Variants in FRMPD4 observed in about 807,000 individuals in gnomAD.
FRMPD4 encodes the protein FERM and PDZ domain-containing protein 4.
FRMPD4 carries 22 observed loss-of-function variants against 94.1 expected under a neutral mutation model. That is an observed-to-expected ratio of 0.23 (90% CI 0.17 to 0.33). The LOEUF (loss-of-function observed/expected upper bound fraction) is 0.33, where lower values mean the gene tolerates loss of function less well. Among genes scored for constraint, FRMPD4 ranks in the 10% least tolerant of loss-of-function variants. The probability of loss-of-function intolerance (pLI) is 1.00; values close to 1 mark genes in which losing one functional copy is unlikely to be tolerated. For synonymous variants in FRMPD4, 631 were observed against 548.6 expected, an observed-to-expected ratio of 1.15 and a Z score of -2.10; for missense variants, 1,111 against 1,339.9, an observed-to-expected ratio of 0.83 and a Z score of 2.67.
At chrX:11,877,371 T>C (rs1051735275) in intron 2 of FRMPD4, among the ~76,000 whole-genome samples, 6 of 111,848 alleles carry the variant, frequency 5.4e-5, no homozygotes, top group African/African-American at 1.9e-4. Context: ...TATCCCATCG[T>C]GAGTTCTCAG....
chrX:12,179,388 A>G (rs910029509), intron 1 of FRMPD4, among the ~76,000 whole-genome samples: 3 of 111,504 alleles, frequency 2.7e-5, no homozygotes, highest in African/African-American at 9.8e-5. Flanking sequence ...GTCTTCATAC[A>G]CAGAATGGGA....
At chrX:11,865,950 C>G (rs937827316) in intron 2 of FRMPD4, among the ~76,000 whole-genome samples, 1 of 111,763 alleles carries the variant, frequency 8.9e-6, no homozygotes, top group African/African-American at 3.3e-5. Context: ...GTCTAAAACT[C>G]AAATTTCAAG....
rs895741548 is a variant in FRMPD4 at position 11,988,387 on chromosome X, G to A, written c.95+110369G>A. Among the ~76,000 whole-genome samples the A allele has an allele frequency of 7.1e-5, 8 of 112,125 alleles. No homozygotes were observed. The Admixed American group carries it at 7.5e-4, about 11-fold the overall frequency. On this transcript the variant is annotated intron_variant, in intron 3 of 18. Coordinates refer to the FRMPD4 transcript ENST00000640291. ...CACTGGGAAAATTGGATATCCATATGCAGAAGAATGAAACTATACTGCTAT... is the reference window on the plus strand; with the variant it reads ...CACTGGGAAAATTGGATATCCATATACAGAAGAATGAAACTATACTGCTAT...
At chrX:12,241,940 G>T (rs1295422194) in intron 1 of FRMPD4, among the ~76,000 whole-genome samples, 2 of 75,372 alleles carry the variant, frequency 2.7e-5, no homozygotes, top group East Asian at 9.8e-4. Context: ...AGAAGGAGGG[G>T]AAGGGGAAGG....
In FRMPD4 at chrX:12,614,371, A is replaced by AG. The variant is rs757030776; in HGVS notation, c.320-404dup. Among the ~76,000 whole-genome samples the AG allele has an allele frequency of 4.8e-3, 528 of 110,179 alleles. 4 individuals carry two copies. Among genetic ancestry groups the AG allele is most frequent in the African/African-American group, 0.016 (491 of 30,036 alleles). On this transcript the variant is annotated intron_variant, in intron 3 of 16. Coordinates refer to ENST00000675598, the MANE Select transcript of FRMPD4 (RefSeq NM_001368397.1). ...ACCTGTTGAGAGAATAGCTCCTTCT[A>AG]GGGGCCTCACCACACACACACACAC...
intron 3 of FRMPD4, among the ~76,000 whole-genome samples, chrX:11,928,595 T>A (rs1456518073): frequency 8.9e-6 from 1 of 112,001 alleles, no homozygotes; most frequent in East Asian, 2.8e-4. Flanking sequence ...GAATGGCTAT[T>A]AAAGTAAAAA....
intron 1 of FRMPD4, among the ~76,000 whole-genome samples, chrX:12,363,736 T>G (rs765843403): frequency 2.7e-4 from 30 of 112,215 alleles, no homozygotes; most frequent in African/African-American, 8.7e-4. Context: ...CACCCTACCT[T>G]TGAGTCACCG....
intron 1 of FRMPD4, among the ~76,000 whole-genome samples, chrX:12,238,624 A>G (rs1030354536): frequency 1.8e-5 from 2 of 112,396 alleles, no homozygotes; most frequent in Non-Finnish European, 3.8e-5. Flanking sequence ...TTGTACTTGA[A>G]CATCCTAAAG....
intron 4 of FRMPD4, among the ~76,000 whole-genome samples, chrX:12,665,804 C>A (rs1404715732): frequency 1.8e-5 from 2 of 112,011 alleles, no homozygotes; most frequent in East Asian, 2.8e-4. Flanking sequence ...AAAACTGATA[C>A]CAGCTACTGC....
At position 12,260,172 on chromosome X, in the gene FRMPD4, C is replaced by T. The variant is rs186157194; in HGVS notation, c.41+121160C>T. Among the ~76,000 whole-genome samples the T allele has an allele frequency of 1.9e-3, 210 of 111,187 alleles. 2 individuals carry two copies. Among genetic ancestry groups the T allele is most frequent in the Admixed American group, 5.7e-3 (60 of 10,452 alleles). ...ACATGCATTCCCTTAGTGACCTCAT[C>T]CTTTTGTGGTTTTACCTGCACCTAT... On this transcript the variant is annotated intron_variant, in intron 1 of 16. Coordinates refer to ENST00000675598, the MANE Select transcript of FRMPD4 (RefSeq NM_001368397.1).
At chrX:11,875,372 C>T (rs770292565) in intron 2 of FRMPD4, among the ~76,000 whole-genome samples, 1 of 111,780 alleles carries the variant, frequency 8.9e-6, no homozygotes, top group South Asian at 3.8e-4. Flanking sequence ...AAAATGCTCT[C>T]AACATTAGTA....
At chrX:11,887,813 G>T (rs960358794) in intron 3 of FRMPD4, among the ~76,000 whole-genome samples, 1 of 111,915 alleles carries the variant, frequency 8.9e-6, no homozygotes, top group South Asian at 3.8e-4. Flanking sequence ...TAAAATGGGT[G>T]TTATTCTGAG....
Position 12,609,740 on chromosome X carries a change from C to A in FRMPD4, c.178C>A (p.Pro60Thr), listed in dbSNP as rs200302546. ...YFINHMTQAI[P>T]FDDPRLESCQ... ...CCACAGTCACATGACACAGGCAATC[C>A]CTTTTGACGACCCTCGGTTAGAGAG... Residue 60 changes from proline (P) to threonine (T), a missense_variant, in exon 3 of 17, where the codon CCT becomes ACT. Physicochemically the swap from Pro to Thr is conservative, Grantham distance 38. Transcript: ENST00000675598. 51 of 1,207,191 alleles carry A rather than the reference C, an allele frequency of 4.2e-5. No individual in the cohort carries two copies. The highest frequency in any genetic ancestry group is 3.4e-5 in the Non-Finnish European group (30 of 892,339).
intron 2 of FRMPD4, among the ~76,000 whole-genome samples, chrX:12,526,783 A>G (rs1016978146): frequency 2.4e-4 from 27 of 112,357 alleles, no homozygotes; most frequent in African/African-American, 7.4e-4. Context: ...CATATGAGAA[A>G]ATAGTCTGAT....
At chrX:12,655,442 G>T (rs748035024) in intron 4 of FRMPD4, among the ~76,000 whole-genome samples, 1 of 110,964 alleles carries the variant, frequency 9.0e-6, no homozygotes, top group Non-Finnish European at 1.9e-5. Flanking sequence ...TCCTCTTGTT[G>T]GTTTTTGGAA....
chrX:12,552,503 A>G (rs920083406), intron 2 of FRMPD4, among the ~76,000 whole-genome samples: 6 of 111,941 alleles, frequency 5.4e-5, no homozygotes, highest in Admixed American at 1.9e-4. Flanking sequence ...AAATGGTTAA[A>G]TATATTTTGC....
chrX:12,199,139 T>G (rs2056599192), intron 1 of FRMPD4, among the ~76,000 whole-genome samples: 2 of 111,475 alleles, frequency 1.8e-5, no homozygotes, highest in African/African-American at 6.5e-5. Context: ...TCATAGAGTA[T>G]GTGTGCCTTT....
intron 1 of FRMPD4, among the ~76,000 whole-genome samples, chrX:12,390,113 T>C (rs975950470): frequency 1.8e-5 from 2 of 112,209 alleles, no homozygotes; most frequent in African/African-American, 3.2e-5. Flanking sequence ...CAGGCTGCAA[T>C]GTTGAACTTC....
At chrX:11,909,265 C>G (rs975507697) in intron 3 of FRMPD4, among the ~76,000 whole-genome samples, 10 of 111,890 alleles carry the variant, frequency 8.9e-5, no homozygotes, top group Non-Finnish European at 1.7e-4. Context: ...CATTTCTTCT[C>G]AAATGAGTTT....
Sources: gnomAD v4.1 joint callset for allele counts (sites outside exome capture counted in the v4.1 genomes callset) on GRCh38, gnomAD v4.1.1 for gene constraint, MANE v1.5 for transcripts, NCBI Gene and HGNC (gene_info 2026-07-23, HGNC 2026-07-21) for gene names.